The following CLTCL1 variants were observed in gnomAD, a reference collection of about 807,000 sequenced individuals.
The protein encoded by CLTCL1 is clathrin heavy chain 2.
Under a neutral mutation model 190.0 loss-of-function variants are expected in CLTCL1, and 159 were observed. The ratio of observed to expected loss-of-function variants is 0.84; its 90% CI spans 0.74 to 0.95. The LOEUF (loss-of-function observed/expected upper bound fraction) is 0.95, where lower values mean the gene tolerates loss of function less well. Ranked by LOEUF, CLTCL1 falls within the 40% of genes least tolerant of loss-of-function variation. The pLI is 0.00. For synonymous variants in CLTCL1, 752 were observed against 769.6 expected (o/e 0.98, Z 0.38); for missense variants, 1,878 against 2,033.4 (o/e 0.92, Z 1.47).
At chr22:19,193,262 A>G (rs535183862) in intron 26 of CLTCL1, among the ~76,000 whole-genome samples, 1 of 152,380 alleles carries the variant, frequency 6.6e-6, no homozygotes, top group East Asian at 1.9e-4. Context: ...AGGTCCATGC[A>G]GCATGGCCGG....
intron 6 of CLTCL1, 100 bp downstream of exon 6, chr22:19,235,596 A>T: frequency 8.8e-7 from 1 of 1,131,810 alleles, no homozygotes; most frequent in Non-Finnish European, 1.3e-6. Context: ...AGGAACTATT[A>T]ATAGCTACAC....
chr22:19,207,563 A>G (rs2085089773), intron 22 of CLTCL1: 1 of 406,632 alleles, frequency 2.5e-6, no homozygotes, highest in Admixed American at 4.1e-5. Flanking sequence ...GCATCACACT[A>G]AAGCAGCGGT....
chr22:19,234,478 G>A, intron 7 of CLTCL1, 31 bp downstream of exon 7: 2 of 1,564,570 alleles, frequency 1.3e-6, no homozygotes, highest in Non-Finnish European at 1.7e-6. Flanking sequence ...TTAACACTCA[G>A]AACACTTGAA....
intron 19 of CLTCL1, among the ~76,000 whole-genome samples, chr22:19,210,998 G>A (rs1407497391): frequency 1.3e-5 from 2 of 152,032 alleles, no homozygotes; most frequent in Non-Finnish European, 2.9e-5. Context: ...CCCACAAAGT[G>A]CTGGGATTAC....
At chr22:19,257,920 T>G in intron 2 of CLTCL1, 1 of 1,210,588 alleles carries the variant, frequency 8.3e-7, no homozygotes, top group Non-Finnish European at 1.1e-6. Context: ...TCAAGACCAC[T>G]GAGAAGCTGA....
intron 17 of CLTCL1, among the ~76,000 whole-genome samples, chr22:19,220,222 C>G (rs2085525271): frequency 6.6e-6 from 1 of 152,152 alleles, no homozygotes; most frequent in Admixed American, 6.5e-5. Context: ...AAGTTTACAA[C>G]AACTCCCAGG....
chr22:19,283,360 A>C (rs1050298638), intron 1 of CLTCL1, among the ~76,000 whole-genome samples: 4 of 151,940 alleles, frequency 2.6e-5, no homozygotes, highest in African/African-American at 9.7e-5. Context: ...GGCTTACTGC[A>C]AAGTCTGCCT....
At chr22:19,254,856 T>C (rs1372655110) in intron 2 of CLTCL1, among the ~76,000 whole-genome samples, 1 of 152,230 alleles carries the variant, frequency 6.6e-6, no homozygotes, top group Non-Finnish European at 1.5e-5. Flanking sequence ...CAGCCCCATG[T>C]AGCTAATGTC....
chr22:19,235,991 G>T, intron 5 of CLTCL1, 122 bp from the exon 6 acceptor site: 1 of 878,586 alleles, frequency 1.1e-6, no homozygotes, highest in Non-Finnish European at 1.7e-6. Flanking sequence ...ATAGGGTCGT[G>T]CTCTGTCACC....
At position 19,254,125 on chromosome 22, in the gene CLTCL1, G is replaced by T. The variant is rs782371185; in HGVS notation, c.353C>A (p.Thr118Asn). ...VIFWKWVSVN[T>N]VALVTETAVY... is the part of the protein sequence containing the mutation. ...CGCGGTCTCGGTCACCAAGGCAACA[G>T]TGTTCACAGAAACCCATTTCCAGAA... Residue 118 changes from threonine to asparagine, a missense_variant, in exon 3 of 33, where the codon ACT (threonine) becomes AAT (asparagine). By Grantham distance (65) the Thr-to-Asn change is moderately conservative. Transcript: ENST00000427926. 1 of 1,613,724 alleles carries T rather than the reference G, an allele frequency of 6.2e-7. No individual in the cohort carries two copies. Among genetic ancestry groups the T allele is most frequent in the Admixed American group, 1.7e-5 (1 of 59,964 alleles).
Position 19,247,730 on chromosome 22 carries a change from T to G in CLTCL1, c.520-4794A>C, listed in dbSNP as rs1601637667. Among the ~76,000 whole-genome samples the G allele has an allele frequency of 4.6e-5, 7 of 152,058 alleles. 2 individuals are homozygous for G. The highest frequency in any genetic ancestry group is 4.6e-4 in the Admixed American group (7 of 15,284). ...CACATGCCACAACTCTCGGCTAATTTTTGTATTTTTAGTAAAGACGGGGTT... is the reference window on the plus strand; with the variant it reads ...CACATGCCACAACTCTCGGCTAATTGTTGTATTTTTAGTAAAGACGGGGTT... On this transcript the variant is annotated intron_variant, in intron 3 of 32. Coordinates refer to ENST00000427926, the MANE Select transcript of CLTCL1 (RefSeq NM_007098.4).
At chr22:19,249,583 C>G (rs2086525942) in intron 3 of CLTCL1, among the ~76,000 whole-genome samples, 1 of 151,702 alleles carries the variant, frequency 6.6e-6, no homozygotes, top group Admixed American at 6.6e-5. Context: ...ATAATCCCAG[C>G]TACCTGGAAG....
chr22:19,192,073 T>TC (rs5844378), intron 26 of CLTCL1, among the ~76,000 whole-genome samples: 2 of 149,606 alleles, frequency 1.3e-5, no homozygotes, highest in African/African-American at 4.9e-5. Flanking sequence ...CTTTTTTTTT[T>TC]TTTTTTTTTT....
chr22:19,271,225 G>T (rs1313757378), intron 2 of CLTCL1, among the ~76,000 whole-genome samples: 4 of 152,172 alleles, frequency 2.6e-5, no homozygotes, highest in African/African-American at 9.7e-5. Context: ...AAGGTAATGT[G>T]ATATGGTTTG....
At chr22:19,204,269 C>T (rs1308271614) in intron 22 of CLTCL1, among the ~76,000 whole-genome samples, 1 of 152,188 alleles carries the variant, frequency 6.6e-6, no homozygotes, top group Non-Finnish European at 1.5e-5. Flanking sequence ...CTTCCTACTG[C>T]TCCCCAAGCC....
At chr22:19,207,816 A>C (rs1343360458) in intron 22 of CLTCL1, 1 of 600,318 alleles carries the variant, frequency 1.7e-6, no homozygotes, top group Non-Finnish European at 3.0e-6. Flanking sequence ...GCTTCTTATG[A>C]AAACCTAATG....
chr22:19,218,605 C>T (rs2085466141), intron 18 of CLTCL1, among the ~76,000 whole-genome samples: 1 of 152,118 alleles, frequency 6.6e-6, no homozygotes, highest in Non-Finnish European at 1.5e-5. Context: ...TTAACTGGTC[C>T]TATTCTCAGG....
rs375529057 is a variant in CLTCL1, at chr22:19,263,698, C to T, written c.251-9471G>A. Among the ~76,000 whole-genome samples the T allele has an allele frequency of 9.9e-5, 15 of 152,248 alleles. No homozygotes were observed. In the South Asian group the frequency reaches 2.7e-3, roughly 27 times the overall value. On this transcript the variant is annotated intron_variant, in intron 2 of 32. Transcript: ENST00000427926. Reference sequence around the variant, plus strand: ...CCTCCCAAAGTGCTGGGATTATAGGCGTGAGCCACTGCACCCAGCCAAATT... The same window carrying T: ...CCTCCCAAAGTGCTGGGATTATAGGTGTGAGCCACTGCACCCAGCCAAATT...
chr22:19,228,401 C>A (rs2085819188), intron 11 of CLTCL1, among the ~76,000 whole-genome samples: 1 of 152,178 alleles, frequency 6.6e-6, no homozygotes, highest in African/African-American at 2.4e-5. Flanking sequence ...CCTTTAGGGT[C>A]TGGGCATTCC....
Sources: gnomAD v4.1 joint callset for allele counts (sites outside exome capture counted in the v4.1 genomes callset) on GRCh38, gnomAD v4.1.1 for gene constraint, MANE v1.5 for transcripts, NCBI Gene and HGNC (gene_info 2026-07-23, HGNC 2026-07-21) for gene names.